The following COL24A1 variants were observed in gnomAD, a reference collection of about 807,000 sequenced individuals.
COL24A1 encodes collagen alpha-1(XXIV) chain.
In COL24A1, 224 loss-of-function variants were observed where a neutral mutation model predicts 253.9. That is an observed-to-expected ratio of 0.88 (90% confidence interval 0.79 to 0.99). The LOEUF (loss-of-function observed/expected upper bound fraction) is 0.99, where lower values mean the gene tolerates loss of function less well. COL24A1 is among the 50% of genes least tolerant of loss of function. The pLI, the probability that COL24A1 is intolerant of heterozygous loss-of-function variation, is 0.00. For synonymous variants in COL24A1, 685 were observed against 673.7 expected (o/e 1.02, Z -0.26); for missense variants, 2,131 against 2,068.5 (o/e 1.03, Z -0.59).
intron 7 of COL24A1, among the ~76,000 whole-genome samples, chr1:86,073,721 A>C (rs1702034916): frequency 6.6e-6 from 1 of 152,200 alleles, no homozygotes; most frequent in African/African-American, 2.4e-5. Context: ...AGCCAGAGAG[A>C]AAGGTCAGGT....
chr1:85,896,137 G>T, intron 29 of COL24A1, 72 bp from the exon 30 acceptor site: 1 of 1,455,330 alleles, frequency 6.9e-7, no homozygotes, highest in Non-Finnish European at 9.5e-7. Flanking sequence ...GCATATGCTA[G>T]CATACACTCA....
rs887471678 is a variant in COL24A1 at position 85,874,257 on chromosome 1, GT to G, written c.3138+391del. ...TTAACTTTGCATGATCATAGGTTTG[GT>G]TTTTTTTTAGAGCAAGTTAAATCTA... is the stretch of plus-strand genomic sequence containing the variant. On this transcript the variant is annotated intron_variant, in intron 35 of 59. Transcript: ENST00000370571. 3.3e-5 allele frequency among the ~76,000 whole-genome samples: 5 copies of G among 151,094 alleles called. 1 individual carries two copies. The highest frequency in any genetic ancestry group is 1.9e-4 in the East Asian group (1 of 5,148).
chr1:85,908,635 G>T lies in COL24A1; in HGVS notation c.2687C>A (p.Pro896His), dbSNP rs116405360. ...TGGACCGATAGGTCCTGGAACCCCA[G>T]GAGGACCTGGATATCCCTATAATTT... ...EKGVMGYPGP[P>H]GVPGPIGPLG... The change falls in exon 27 of 60, where the codon CCT (proline) becomes CAT (histidine). Residue 896 changes from proline (P) to histidine (H), a missense_variant. Coordinates refer to ENST00000370571, the MANE Select transcript of COL24A1 (RefSeq NM_152890.7). 1.7e-3 allele frequency: 2,457 copies of T among 1,444,252 alleles called. 47 individuals carry two copies. In the African/African-American group the frequency reaches 0.031, roughly 19 times the overall value. 89.5% of individuals were successfully genotyped at this position (1,444,252 alleles called of 1,614,324 possible). A position where few individuals can be genotyped will look rare whatever the true frequency, so the allele number is the denominator to read the frequency against.
At chr1:85,812,064 A>G (rs1672603681) in intron 47 of COL24A1, among the ~76,000 whole-genome samples, 1 of 151,706 alleles carries the variant, frequency 6.6e-6, no homozygotes, top group Non-Finnish European at 1.5e-5. Context: ...TCCGATTGAA[A>G]CTGAATGACT....
intron 5 of COL24A1, among the ~76,000 whole-genome samples, chr1:86,099,127 A>T (rs1704238507): frequency 6.6e-6 from 1 of 152,200 alleles, no homozygotes; most frequent in African/African-American, 2.4e-5. Flanking sequence ...TCAAAATGGA[A>T]CTAAATTAGA....
At chr1:85,957,368 A>G (rs922477589) in intron 24 of COL24A1, among the ~76,000 whole-genome samples, 6 of 152,198 alleles carry the variant, frequency 3.9e-5, no homozygotes, top group African/African-American at 1.4e-4. Context: ...TTAATAAATA[A>G]ATAAATAAAA....
intron 5 of COL24A1, among the ~76,000 whole-genome samples, chr1:86,105,256 A>G (rs962197696): frequency 6.6e-6 from 1 of 152,212 alleles, no homozygotes; most frequent in Non-Finnish European, 1.5e-5. Flanking sequence ...GGCAGGGTTC[A>G]CATGCAAAAC....
chr1:86,110,737 G>A (rs1249643943), intron 5 of COL24A1, among the ~76,000 whole-genome samples: 1 of 152,102 alleles, frequency 6.6e-6, no homozygotes, highest in Non-Finnish European at 1.5e-5. Flanking sequence ...TGGCCCGCCC[G>A]TGCTGCGCTC....
chr1:85,833,232 C>G (rs566697599), intron 43 of COL24A1, among the ~76,000 whole-genome samples: 35 of 152,074 alleles, frequency 2.3e-4, no homozygotes, highest in African/African-American at 8.2e-4. Flanking sequence ...TGACAAAGGG[C>G]TAATATCCAG....
intron 59 of COL24A1, among the ~76,000 whole-genome samples, chr1:85,733,977 A>G (rs1663784375): frequency 6.7e-6 from 1 of 150,228 alleles, no homozygotes; most frequent in African/African-American, 2.5e-5. Context: ...ATCTTGGCTC[A>G]CTGCAACCTC....
intron 43 of COL24A1, among the ~76,000 whole-genome samples, chr1:85,829,244 A>G (rs1218016743): frequency 6.6e-6 from 1 of 151,824 alleles, no homozygotes; most frequent in Non-Finnish European, 1.5e-5. Flanking sequence ...GAATGTTGAT[A>G]TTGGCCCCCA....
At chr1:85,742,580 C>T (rs1183394593) in intron 57 of COL24A1, among the ~76,000 whole-genome samples, 2 of 152,180 alleles carry the variant, frequency 1.3e-5, no homozygotes, top group East Asian at 1.9e-4. Flanking sequence ...CAACTACCTA[C>T]TTGACATTCT....
chr1:86,088,975 C>A (rs1045504438), intron 7 of COL24A1, among the ~76,000 whole-genome samples, 199 bp downstream of exon 7: 4 of 152,002 alleles, frequency 2.6e-5, no homozygotes, highest in African/African-American at 4.8e-5. Context: ...ATGATGATGG[C>A]ATCCTAATTT....
chr1:86,080,058 G>C (rs1336819168), intron 7 of COL24A1, among the ~76,000 whole-genome samples: 1 of 152,080 alleles, frequency 6.6e-6, no homozygotes, highest in African/African-American at 2.4e-5. Flanking sequence ...AGAAAATGTG[G>C]TACATATACA....
chr1:85,776,471 A>C (rs1668553786), intron 52 of COL24A1, among the ~76,000 whole-genome samples: 1 of 146,142 alleles, frequency 6.8e-6, no homozygotes, highest in Admixed American at 7.1e-5. Context: ...ATCCTTTTGA[A>C]AATTTTATAT....
At chr1:85,850,013 G>A (rs1027784469) in intron 37 of COL24A1, among the ~76,000 whole-genome samples, 1 of 152,036 alleles carries the variant, frequency 6.6e-6, no homozygotes, top group Non-Finnish European at 1.5e-5. Context: ...TCGTTGATCT[G>A]TGGGAAAAAA....
chr1:85,806,458 C>G (rs1298251902), intron 47 of COL24A1, among the ~76,000 whole-genome samples: 1 of 152,176 alleles, frequency 6.6e-6, no homozygotes, highest in Non-Finnish European at 1.5e-5. Flanking sequence ...GCCATATGGT[C>G]TCTGTGTGAA....
Position 86,006,525 on chromosome 1 carries a change from C to T in COL24A1, c.2310+10626G>A, listed in dbSNP as rs1194982190. Among the ~76,000 whole-genome samples the T allele has an allele frequency of 2.6e-5, 4 of 152,232 alleles. No homozygotes were observed. The East Asian group carries it at 7.7e-4, about 29-fold the overall frequency. ...ACAAAAATTAACTCAAAATAGATCA[C>T]AGACCTAATGTAAAATGCAATATTA... On this transcript the variant is annotated intron_variant, in intron 19 of 59. Coordinates refer to ENST00000370571, the MANE Select transcript of COL24A1 (RefSeq NM_152890.7).
intron 14 of COL24A1, among the ~76,000 whole-genome samples, chr1:86,023,308 C>A (rs1697729615): frequency 6.6e-6 from 1 of 152,110 alleles, no homozygotes; most frequent in Non-Finnish European, 1.5e-5. Context: ...ATTTCTCCAA[C>A]TAGATGAGAC....
Sources: allele counts gnomAD v4.1 joint callset (sites outside exome capture counted in the v4.1 genomes callset), GRCh38; gene constraint gnomAD v4.1.1; transcripts MANE v1.5; gene names NCBI Gene and HGNC (gene_info 2026-07-23, HGNC 2026-07-21).